The following CTNND2 variants were observed in gnomAD, a reference collection of about 807,000 sequenced individuals.
CTNND2 encodes catenin delta-2.
CTNND2 carries 22 observed loss-of-function variants against 144.4 expected under a neutral mutation model. The observed-to-expected ratio is 0.15, with a 90% CI of 0.11 to 0.22. The LOEUF is 0.22. Ranked by LOEUF, CTNND2 falls within the 10% of genes least tolerant of loss-of-function variation. The pLI is 1.00. For missense variants in CTNND2, 1,353 were observed against 1,618.8 expected, an observed-to-expected ratio of 0.84 and a Z score of 2.82; for synonymous variants, 751 against 695.6, an observed-to-expected ratio of 1.08 and a Z score of -1.25.
At chr5:11,409,030 T>G (rs532968371) in intron 5 of CTNND2, among the ~76,000 whole-genome samples, 1 of 152,220 alleles carries the variant, frequency 6.6e-6, no homozygotes, top group South Asian at 2.1e-4. Flanking sequence ...AAGTACAACA[T>G]TCTTTATTTT....
At chr5:11,227,388 A>T (rs993018926) in intron 10 of CTNND2, among the ~76,000 whole-genome samples, 8 of 152,324 alleles carry the variant, frequency 5.3e-5, no homozygotes, top group African/African-American at 1.9e-4. Flanking sequence ...CCAGGGTTCA[A>T]ATGCAGGCAG....
At chr5:11,190,762 G>A (rs754857965) in intron 11 of CTNND2, among the ~76,000 whole-genome samples, 2 of 152,042 alleles carry the variant, frequency 1.3e-5, no homozygotes, top group Non-Finnish European at 2.9e-5. Context: ...AGAGACCTAG[G>A]GCCTACAAGC....
At chr5:11,637,979 C>T (rs974351850) in intron 2 of CTNND2, among the ~76,000 whole-genome samples, 9 of 152,066 alleles carry the variant, frequency 5.9e-5, no homozygotes, top group Non-Finnish European at 8.8e-5. Flanking sequence ...TGTAAAGAAC[C>T]GGTCTCTAAA....
intron 1 of CTNND2, among the ~76,000 whole-genome samples, chr5:11,758,888 T>C (rs1402883907): frequency 6.6e-6 from 1 of 152,058 alleles, no homozygotes; most frequent in Non-Finnish European, 1.5e-5. Context: ...ATTTAGAATG[T>C]TTCACATCAT....
intron 12 of CTNND2, 96 bp from the exon 13 acceptor site, chr5:11,117,663 A>G (rs1482727775): frequency 6.5e-6 from 6 of 927,104 alleles, no homozygotes; most frequent in South Asian, 1.4e-5. Context: ...AAGTAAATGC[A>G]TTTTTCCCCA....
At chr5:11,014,053 G>C (rs1178610336) in intron 18 of CTNND2, among the ~76,000 whole-genome samples, 2 of 152,224 alleles carry the variant, frequency 1.3e-5, no homozygotes, top group East Asian at 3.8e-4. Context: ...AGCACGTACA[G>C]CTCCATGAGA....
At chr5:11,240,200 CACACA>C (rs1742095011) in intron 9 of CTNND2, among the ~76,000 whole-genome samples, 3 of 132,150 alleles carry the variant, frequency 2.3e-5, no homozygotes, top group Admixed American at 8.0e-5. Context: ...AACACACACA[CACACA>C]CCCCCAACAC....
chr5:11,128,769 T>TTAGATATAA (rs1554049729), intron 12 of CTNND2, among the ~76,000 whole-genome samples: 14 of 32,170 alleles, frequency 4.4e-4, no homozygotes, highest in Admixed American at 1.0e-3. Context: ...AATATATATA[T>TTAGATATAA]TATATATAAA....
chr5:11,561,709 AT>A (rs965836301), intron 3 of CTNND2, among the ~76,000 whole-genome samples: 4 of 151,718 alleles, frequency 2.6e-5, no homozygotes, highest in Non-Finnish European at 4.4e-5. Flanking sequence ...CATACTGATA[AT>A]TTTTTTTTAA....
chr5:11,467,048 A>G (rs1324301661), intron 3 of CTNND2, among the ~76,000 whole-genome samples: 3 of 152,224 alleles, frequency 2.0e-5, no homozygotes, highest in African/African-American at 7.2e-5. Flanking sequence ...CAAAGGTGGT[A>G]TTGCTCACAA....
intron 3 of CTNND2, among the ~76,000 whole-genome samples, chr5:11,454,350 G>A (rs1009174828): frequency 2.0e-5 from 3 of 152,070 alleles, no homozygotes; most frequent in Non-Finnish European, 4.4e-5. Flanking sequence ...AACCCGGGAG[G>A]CAGAGGTTGC....
At chr5:11,784,968 G>A (rs142749582) in intron 1 of CTNND2, among the ~76,000 whole-genome samples, 1 of 152,280 alleles carries the variant, frequency 6.6e-6, no homozygotes, top group East Asian at 1.9e-4. Flanking sequence ...GTGCTAATTT[G>A]TTATGCAGCA....
chr5:11,838,969 T>G (rs1246542114), intron 1 of CTNND2, among the ~76,000 whole-genome samples: 2 of 152,156 alleles, frequency 1.3e-5, no homozygotes, highest in Non-Finnish European at 2.9e-5. Context: ...CAATAAATAT[T>G]GTGGAAATAA....
chr5:11,669,425 T>A (rs1783755433), intron 2 of CTNND2, among the ~76,000 whole-genome samples: 1 of 152,208 alleles, frequency 6.6e-6, no homozygotes. Flanking sequence ...TATTAATTGC[T>A]GCCTCAATTT....
At chr5:11,878,618 G>A (rs1434442659) in intron 1 of CTNND2, among the ~76,000 whole-genome samples, 1 of 152,208 alleles carries the variant, frequency 6.6e-6, no homozygotes, top group Non-Finnish European at 1.5e-5. Context: ...GGAATCCTGA[G>A]CTGAAGTTTG....
intron 3 of CTNND2, among the ~76,000 whole-genome samples, chr5:11,481,460 G>A (rs31936): frequency 0.44 from 66,292 of 151,862 alleles, 14,620 homozygotes; most frequent in Middle Eastern, 0.58. Flanking sequence ...AAAATTAGCC[G>A]GGTGTGGTGG....
intron 11 of CTNND2, among the ~76,000 whole-genome samples, chr5:11,188,475 G>C (rs1037289244): frequency 1.3e-5 from 2 of 152,160 alleles, no homozygotes; most frequent in African/African-American, 4.8e-5. Flanking sequence ...GGGTGAGGGA[G>C]AGCATCAGGA....
intron 10 of CTNND2, among the ~76,000 whole-genome samples, chr5:11,234,832 C>A (rs1001410198): frequency 6.6e-6 from 1 of 152,188 alleles, no homozygotes; most frequent in Admixed American, 6.5e-5. Context: ...CCTTCCTCTG[C>A]CCCACATCTG....
chr5:11,565,272 T>A (rs1296360935), intron 2 of CTNND2, among the ~76,000 whole-genome samples: 1 of 152,244 alleles, frequency 6.6e-6, no homozygotes, highest in Non-Finnish European at 1.5e-5. Context: ...ATCAGTTTCA[T>A]CATTTGTAAA....
Sources: gnomAD v4.1 joint callset for allele counts (sites outside exome capture counted in the v4.1 genomes callset) on GRCh38, gnomAD v4.1.1 for gene constraint, MANE v1.5 for transcripts, NCBI Gene and HGNC (gene_info 2026-07-23, HGNC 2026-07-21) for gene names.